The following CFAP206 variants were observed in gnomAD, a reference collection of about 807,000 sequenced individuals.
CFAP206 encodes cilia and flagella associated protein 206, also known as cilia- and flagella-associated protein 206.
A neutral mutation model predicts 65.4 loss-of-function variants in CFAP206; 53 were observed. That is an observed-to-expected ratio of 0.81 (90% CI 0.65 to 1.02). The LOEUF (loss-of-function observed/expected upper bound fraction) is 1.02, where lower values mean the gene tolerates loss of function less well. Ranked by LOEUF, CFAP206 falls within the 50% of genes least tolerant of loss-of-function variation. The probability of loss-of-function intolerance (pLI) is 0.00; values close to 1 mark genes in which losing one functional copy is unlikely to be tolerated. For synonymous variants in CFAP206, 250 were observed against 254.4 expected (o/e 0.98, Z 0.17); for missense variants, 663 against 753.2 (o/e 0.88, Z 1.40).
chr6:87,445,610 T>C (rs571038794), intron 11 of CFAP206, among the ~76,000 whole-genome samples: 63 of 152,326 alleles, frequency 4.1e-4, no homozygotes, highest in Admixed American at 2.6e-3. Flanking sequence ...TAACCATTGA[T>C]GGGCACTTAG....
Position 87,464,159 on chromosome 6 carries a change from C to T in CFAP206, c.1778C>T (p.Pro593Leu), listed in dbSNP as rs1323046886. ...GAAGACAGCACTGGGGTGCCCAGGC[C>T]TCAGATTTACTTGGCTGGTCTTCGT... ...MREDSTGVPR[P>L]QIYLAGLRGG... The change falls in exon 13 of 13, where the codon CCT (proline) becomes CTT (leucine). Residue 593 changes from proline (P) to leucine (L), a missense_variant. Coordinates refer to ENST00000369562, the MANE Select transcript of CFAP206 (RefSeq NM_001031743.3). The T allele has an allele frequency of 3.7e-6, 6 of 1,614,156 alleles. No individual in the cohort carries two copies. The highest frequency in any genetic ancestry group is 5.1e-6 in the Non-Finnish European group (6 of 1,180,028).
intron 11 of CFAP206, among the ~76,000 whole-genome samples, chr6:87,439,421 GAT>G (rs139744465): frequency 6.4e-4 from 97 of 152,116 alleles, no homozygotes; most frequent in African/African-American, 2.3e-3. Flanking sequence ...TTATCTTAGT[GAT>G]TTGCAGGAAG....
chr6:87,444,445 C>T (rs1193130889), intron 11 of CFAP206: 1 of 224,632 alleles, frequency 4.5e-6, no homozygotes, highest in African/African-American at 2.3e-5. Flanking sequence ...AGATTTGTAA[C>T]CTTTCCATTT....
At chr6:87,456,425 G>A (rs1327425702) in intron 11 of CFAP206, among the ~76,000 whole-genome samples, 3 of 152,076 alleles carry the variant, frequency 2.0e-5, no homozygotes, top group Non-Finnish European at 4.4e-5. Context: ...CATACCGAAC[G>A]GGAAAAATGA....
chr6:87,413,897 C>A lies in CFAP206; in HGVS notation c.280C>A (p.Arg94=). ...QVYFDMNYTN[R]VEFLEEHHRV... ...CTACTTCGATATGAATTATACGAAT[C>A]GAGGTAATGTATACTACCTATTTTT... The change falls in exon 4 of 13, where the codon CGA becomes AGA. Residue 94 remains arginine (R), a synonymous_variant. Transcript: ENST00000369562. 6.6e-7 allele frequency: 1 copy of A among 1,514,400 alleles called. No homozygotes were observed. The highest frequency in any genetic ancestry group is 8.8e-7 in the Non-Finnish European group (1 of 1,133,914). The allele number at this position is 1,514,400 out of a possible 1,614,324, so 93.8% of individuals were successfully genotyped here. A position where few individuals can be genotyped will look rare whatever the true frequency, so the allele number is the denominator to read the frequency against.
At chr6:87,409,975 G>A (rs6454616) in intron 2 of CFAP206, 28 bp downstream of exon 2, 410,633 of 1,463,390 alleles carry the variant, frequency 0.28, 59,397 homozygotes, top group African/African-American at 0.39. Context: ...TGTGATTACT[G>A]TTTTATTAAG....
At chr6:87,458,297 T>C (rs1401983641) in intron 11 of CFAP206, among the ~76,000 whole-genome samples, 3 of 152,096 alleles carry the variant, frequency 2.0e-5, no homozygotes, top group Non-Finnish European at 1.5e-5. Context: ...TACCATGTGA[T>C]CCTGCAATCC....
intron 5 of CFAP206, 44 bp downstream of exon 5, chr6:87,415,918 G>T (rs1767822848): frequency 3.1e-6 from 4 of 1,308,618 alleles, no homozygotes; most frequent in Admixed American, 2.6e-5. Flanking sequence ...GAAAATATAT[G>T]GTCATTGTAT....
chr6:87,447,663 GT>G (rs1243768398), intron 11 of CFAP206, among the ~76,000 whole-genome samples: 1 of 152,086 alleles, frequency 6.6e-6, no homozygotes, highest in Non-Finnish European at 1.5e-5. Context: ...TCTCTGCCAG[GT>G]TTTGGTATCT....
chr6:87,460,333 C>T (rs1311174914), intron 11 of CFAP206, among the ~76,000 whole-genome samples: 1 of 152,162 alleles, frequency 6.6e-6, no homozygotes, highest in Admixed American at 6.5e-5. Context: ...GCTATGTATG[C>T]ATAGCTTGAG....
chr6:87,435,222 CA>C, intron 11 of CFAP206, 169 bp downstream of exon 11: 1 of 473,130 alleles, frequency 2.1e-6, no homozygotes, highest in Non-Finnish European at 3.8e-6. Context: ...CTAATTGAAT[CA>C]AAGAATAATG....
At chr6:87,413,707 C>T (rs2012017767) in intron 3 of CFAP206, 103 bp from the exon 4 acceptor site, 2 of 691,746 alleles carry the variant, frequency 2.9e-6, no homozygotes, top group Middle Eastern at 2.5e-4. Context: ...GAATCAATAT[C>T]AGGAACCACT....
At chr6:87,434,502 CTT>C (rs377378986) in intron 10 of CFAP206, among the ~76,000 whole-genome samples, 19 of 134,452 alleles carry the variant, frequency 1.4e-4, no homozygotes, top group East Asian at 2.1e-4. Flanking sequence ...TTTTCTTTTT[CTT>C]TTTTTTTTTT....
intron 7 of CFAP206, among the ~76,000 whole-genome samples, chr6:87,419,739 C>T (rs984519905): frequency 1.2e-4 from 18 of 152,194 alleles, no homozygotes; most frequent in African/African-American, 4.3e-4. Flanking sequence ...TCTGTCCTCT[C>T]TCCTTACCTA....
chr6:87,415,306 T>C (rs1399824228), intron 4 of CFAP206, among the ~76,000 whole-genome samples: 2 of 150,346 alleles, frequency 1.3e-5, no homozygotes, highest in Non-Finnish European at 3.0e-5. Flanking sequence ...CATAAATATA[T>C]AATATGTATA....
intron 11 of CFAP206, among the ~76,000 whole-genome samples, chr6:87,455,069 T>C (rs1768616031): frequency 6.6e-6 from 1 of 151,746 alleles, no homozygotes; most frequent in South Asian, 2.1e-4. Flanking sequence ...ATTACAGGCA[T>C]ACACCACCAT....
chr6:87,437,874 G>A (rs1019205569), intron 11 of CFAP206, among the ~76,000 whole-genome samples: 2 of 145,322 alleles, frequency 1.4e-5, no homozygotes, highest in African/African-American at 5.1e-5. Context: ...TCTAGAGACG[G>A]TGCCTCACTT....
intron 11 of CFAP206, among the ~76,000 whole-genome samples, chr6:87,458,512 A>C (rs1353424285): frequency 7.3e-6 from 1 of 137,890 alleles, no homozygotes; most frequent in Non-Finnish European, 1.6e-5. Context: ...TGTCATTTGC[A>C]AAAACGGATG....
intron 10 of CFAP206, among the ~76,000 whole-genome samples, chr6:87,434,159 C>T (rs576415836): frequency 2.0e-5 from 3 of 151,698 alleles, no homozygotes; most frequent in African/African-American, 2.4e-5. Context: ...CCCAGCACTT[C>T]GGGAGGCCGA....
Sources: gnomAD v4.1 joint callset for allele counts (sites outside exome capture counted in the v4.1 genomes callset) on GRCh38, gnomAD v4.1.1 for gene constraint, MANE v1.5 for transcripts, NCBI Gene and HGNC (gene_info 2026-07-23, HGNC 2026-07-21) for gene names.